Variants in KIF4A observed in about 807,000 individuals in gnomAD.
KIF4A encodes the protein kinesin family member 4A.
KIF4A carries 7 observed loss-of-function variants against 105.9 expected under a neutral mutation model. That is an observed-to-expected ratio of 0.07 (90% confidence interval 0.04 to 0.12). The LOEUF (loss-of-function observed/expected upper bound fraction) is 0.12. Ranked by LOEUF, KIF4A falls within the 10% of genes least tolerant of loss-of-function variation. The pLI is 1.00. For synonymous variants in KIF4A, 281 were observed against 331.3 expected, an observed-to-expected ratio of 0.85 and a Z score of 1.65; for missense variants, 558 against 929.2, an observed-to-expected ratio of 0.60 and a Z score of 5.19.
chrX:70,305,996 C>T (rs1395661795), intron 7 of KIF4A, among the ~76,000 whole-genome samples: 1 of 112,055 alleles, frequency 8.9e-6, no homozygotes, highest in Admixed American at 9.5e-5. Context: ...TGATGTTGAA[C>T]ATCATTTCAT....
intron 15 of KIF4A, among the ~76,000 whole-genome samples, chrX:70,368,430 G>A (rs1376474654): frequency 8.9e-6 from 1 of 112,026 alleles, no homozygotes; most frequent in Non-Finnish European, 1.9e-5. Context: ...GGGTTTTGGT[G>A]TGGATGTCTT....
intron 7 of KIF4A, among the ~76,000 whole-genome samples, chrX:70,307,861 T>C (rs2085833506): frequency 8.9e-6 from 1 of 112,179 alleles, no homozygotes; most frequent in East Asian, 2.8e-4. Context: ...CAGAAGTGTC[T>C]TCTCTGTTAA....
rs747540638 is a variant in KIF4A at position 70,376,104 on chromosome X, T to C, written c.1928T>C (p.Met643Thr). The C allele has an allele frequency of 8.4e-7, 1 of 1,194,075 alleles. No homozygotes were observed. ...VSKLNQEIRM[M>T]KNQRVQLMRQ... ...TGCTGGTTTTTGTTTTTATAGATGA[T>C]GAAAAACCAGCGGGTACAGTTAATG... is the stretch of plus-strand genomic sequence containing the variant. The change falls in exon 18 of 31, where the codon ATG becomes ACG. Residue 643 changes from methionine to threonine, a missense_variant. By Grantham distance (81) the Met-to-Thr change is moderately conservative. Around this residue, in one of 2 missense-constraint regions of KIF4A, gnomAD observed 469 missense variants for 680.4 expected, o/e 0.69. Transcript: ENST00000374403.
At chrX:70,382,485 A>T (rs1194778706) in intron 18 of KIF4A, among the ~76,000 whole-genome samples, 3 of 112,078 alleles carry the variant, frequency 2.7e-5, no homozygotes, top group Non-Finnish European at 3.8e-5. Flanking sequence ...TCAAAAACCT[A>T]AACGTACGAG....
At position 70,310,348 on chromosome X, in the gene KIF4A, T is replaced by TGTGTGC. The variant is rs56051172; in HGVS notation, c.778+7951_778+7952insTGTGCG. ...GTGTGTGTGTGTGTGTGTGTGTGTG[T>TGTGTGC]GCCTGGATTCTTTTGCTCAACATAG... On this transcript the variant is annotated intron_variant, in intron 7 of 30. Transcript: ENST00000374403. 3.7e-3 allele frequency among the ~76,000 whole-genome samples: 396 copies of TGTGTGC among 107,543 alleles called. 1 individual carries two copies. The highest frequency in any genetic ancestry group is 6.7e-3 in the African/African-American group (192 of 28,752). The allele number at this position is 107,543 out of a possible 115,157, so 93.4% of individuals were successfully genotyped here. A position where few individuals can be genotyped will look rare whatever the true frequency, so the allele number is the denominator to read the frequency against.
At chrX:70,380,206 G>A (rs1350718665) in intron 18 of KIF4A, among the ~76,000 whole-genome samples, 1 of 111,312 alleles carries the variant, frequency 9.0e-6, no homozygotes, top group African/African-American at 3.3e-5. Flanking sequence ...TACTTGGGAG[G>A]CTGAGGCACG....
chrX:70,345,429 A>C (rs1419225651), intron 13 of KIF4A, among the ~76,000 whole-genome samples: 1 of 105,996 alleles, frequency 9.4e-6, no homozygotes, highest in Non-Finnish European at 1.9e-5. Flanking sequence ...GTGCCACTGC[A>C]CTCCAGCCTG....
intron 22 of KIF4A, among the ~76,000 whole-genome samples, chrX:70,400,639 G>T (rs2086277811): frequency 8.9e-6 from 1 of 112,238 alleles, no homozygotes; most frequent in Non-Finnish European, 1.9e-5. Flanking sequence ...TAAGAATCCA[G>T]CTGTCTTCAA....
chrX:70,410,021 G>A (rs2086315914), intron 28 of KIF4A, among the ~76,000 whole-genome samples: 1 of 111,389 alleles, frequency 9.0e-6, no homozygotes, highest in South Asian at 3.8e-4. Flanking sequence ...AAAACAATGA[G>A]GAATTACTGT....
chrX:70,411,269 T>G (rs1243280160), intron 28 of KIF4A, among the ~76,000 whole-genome samples: 1 of 108,207 alleles, frequency 9.2e-6, no homozygotes, highest in Non-Finnish European at 1.9e-5. Flanking sequence ...CCAGCCTCAG[T>G]GACCGAGCAA....
intron 15 of KIF4A, among the ~76,000 whole-genome samples, chrX:70,366,926 G>T (rs1219579252): frequency 8.9e-6 from 1 of 111,902 alleles, no homozygotes; most frequent in South Asian, 3.8e-4. Flanking sequence ...TTATGAATCT[G>T]GGTGCTCCTG....
At chrX:70,346,902 T>C (rs990855783) in intron 13 of KIF4A, among the ~76,000 whole-genome samples, 12 of 112,346 alleles carry the variant, frequency 1.1e-4, no homozygotes, top group Non-Finnish European at 2.3e-4. Flanking sequence ...CCCTTCATTC[T>C]GGATTAAAAC....
chrX:70,401,698 G>A (rs1303156175), intron 22 of KIF4A, among the ~76,000 whole-genome samples: 1 of 111,983 alleles, frequency 8.9e-6, no homozygotes, highest in African/African-American at 3.2e-5. Flanking sequence ...ACTGCGCCCA[G>A]CTAAAATTTT....
intron 16 of KIF4A, among the ~76,000 whole-genome samples, 198 bp downstream of exon 16, chrX:70,374,452 AAC>A (rs1393366526): frequency 2.7e-5 from 3 of 112,169 alleles, no homozygotes; most frequent in Non-Finnish European, 5.6e-5. Flanking sequence ...AGAATGTCAT[AAC>A]ACAGCACATG....
chrX:70,298,043 G>A (rs2085790178), intron 4 of KIF4A, among the ~76,000 whole-genome samples: 1 of 109,364 alleles, frequency 9.1e-6, no homozygotes, highest in Non-Finnish European at 1.9e-5. Flanking sequence ...GGCCAGGGCG[G>A]GAGGATCACT....
intron 18 of KIF4A, among the ~76,000 whole-genome samples, chrX:70,383,609 A>C (rs1213797283): frequency 8.9e-6 from 1 of 112,358 alleles, no homozygotes; most frequent in Non-Finnish European, 1.9e-5. Context: ...CAGTAGTCAT[A>C]ATAGCCAAAA....
chrX:70,341,680 A>G, intron 10 of KIF4A, 119 bp from the exon 11 acceptor site: 1 of 712,148 alleles, frequency 1.4e-6, no homozygotes, highest in Non-Finnish European at 2.0e-6. Context: ...CTTTTGTGGT[A>G]TAATTTTGAC....
chrX:70,365,640 T>C (rs1449631240), intron 15 of KIF4A, among the ~76,000 whole-genome samples: 2 of 111,417 alleles, frequency 1.8e-5, no homozygotes, highest in Non-Finnish European at 3.8e-5. Context: ...CTGGATTCGG[T>C]TTGCCAGTAT....
In KIF4A at chrX:70,420,073, G is replaced by C; in HGVS notation, c.3507G>C (p.Glu1169Asp). The change falls in exon 31 of 31, where the codon GAG (glutamate) becomes GAC (aspartate). Residue 1169 changes from glutamate to aspartate, a missense_variant. Around this residue, in one of 2 missense-constraint regions of KIF4A, gnomAD observed 469 missense variants for 680.4 expected, o/e 0.69. Transcript: ENST00000374403. ...CATPNSKILK[E>D]MCDVEQVLSK... is the part of the protein sequence containing the mutation. ...TCTGTCCCTCCTAGATCCTGAAAGA[G>C]ATGTGCGATGTGGAGCAGGTGCTGT... 3 of 1,210,657 alleles carry C rather than the reference G, an allele frequency of 2.5e-6. No individual in the cohort carries two copies. The highest frequency in any genetic ancestry group is 3.4e-6 in the Non-Finnish European group (3 of 894,954).
Sources: gnomAD v4.1 joint callset for allele counts (sites outside exome capture counted in the v4.1 genomes callset) on GRCh38, gnomAD v4.1.1 for gene constraint, gnomAD v4.1.1 regional missense constraint, MANE v1.5 for transcripts, NCBI Gene and HGNC (gene_info 2026-07-23, HGNC 2026-07-21) for gene names.